The following ESRRB variants were observed in gnomAD, a reference collection of about 807,000 sequenced individuals.
ESRRB encodes the protein steroid hormone receptor ERR2.
Under a neutral mutation model 46.0 loss-of-function variants are expected in ESRRB, and 16 were observed. That is an observed-to-expected ratio of 0.35 (90% CI 0.24 to 0.53). The LOEUF (loss-of-function observed/expected upper bound fraction) is 0.53, where lower values mean the gene tolerates loss of function less well. Among genes scored for constraint, ESRRB ranks in the 20% least tolerant of loss-of-function variants. The pLI, the probability that ESRRB is intolerant of heterozygous loss-of-function variation, is 0.93. For missense variants in ESRRB, 488 were observed against 607.4 expected, an observed-to-expected ratio of 0.80 and a Z score of 2.07; for synonymous variants, 246 against 259.6, an observed-to-expected ratio of 0.95 and a Z score of 0.50.
intron 1 of ESRRB, among the ~76,000 whole-genome samples, chr14:76,432,616 A>G (rs1375954134): frequency 8.0e-6 from 1 of 125,712 alleles, no homozygotes. Context: ...CAAACTTCTC[A>G]TCTGTACAGC....
At position 76,499,788 on chromosome 14, in the gene ESRRB, C is replaced by G. The variant is rs1890589838; in HGVS notation, c.*1330C>G. ...CCAGGCACACGGGGACAGTGGGTCA[C>G]TCTATTTCTGTGGATGGCCGTGAAA... On this transcript the variant is annotated 3_prime_UTR_variant, in exon 7 of 7. Transcript: ENST00000644823. 1.6e-6 allele frequency: 2 copies of G among 1,276,968 alleles called. No homozygotes were observed. The highest frequency in any genetic ancestry group is 2.9e-5 in the African/African-American group (2 of 68,466). The allele number at this position is 1,276,968 out of a possible 1,614,324, so 79.1% of individuals were successfully genotyped here. A position where few individuals can be genotyped will look rare whatever the true frequency, so the allele number is the denominator to read the frequency against.
chr14:76,417,480 C>A (rs138524084), intron 1 of ESRRB, among the ~76,000 whole-genome samples: 1 of 152,270 alleles, frequency 6.6e-6, no homozygotes, highest in East Asian at 1.9e-4. Context: ...TCCCATTATT[C>A]CACAATTCAA....
chr14:76,318,944 A>G (rs1023787908), intron 1 of ESRRB, among the ~76,000 whole-genome samples: 2 of 152,194 alleles, frequency 1.3e-5, no homozygotes, highest in Non-Finnish European at 2.9e-5. Context: ...AGGTGGTTTA[A>G]AACATGCTCT....
rs1166435314 is a variant in ESRRB at position 76,332,662 on chromosome 14, T to A, written c.2+21746T>A. ...TATTTATATATTATATAAATATATA[T>A]TATATATATTTATATATTATATATT... On this transcript the variant is annotated intron_variant, in intron 1 of 6. Coordinates refer to the ESRRB transcript ENST00000512784. 1.4e-4 allele frequency among the ~76,000 whole-genome samples: 5 copies of A among 36,130 alleles called. 1 individual carries two copies. The South Asian group carries it at 4.7e-3, about 34-fold the overall frequency. 23.7% of individuals were successfully genotyped at this position (36,130 alleles called of 152,430 possible). A position where few individuals can be genotyped will look rare whatever the true frequency, so the allele number is the denominator to read the frequency against.
chr14:76,350,306 T>G (rs1884298516), intron 1 of ESRRB, among the ~76,000 whole-genome samples: 2 of 152,222 alleles, frequency 1.3e-5, no homozygotes, highest in Non-Finnish European at 2.9e-5. Context: ...TAGCTTCCTT[T>G]GATCATAGAA....
At chr14:76,426,409 C>A (rs2139901029) in intron 1 of ESRRB, among the ~76,000 whole-genome samples, 1 of 152,296 alleles carries the variant, frequency 6.6e-6, no homozygotes, top group Middle Eastern at 3.4e-3. Context: ...ATGTAGTCCT[C>A]CTGGTGTCTA....
chr14:76,461,806 C>G (rs941242250), intron 2 of ESRRB, among the ~76,000 whole-genome samples: 1 of 152,196 alleles, frequency 6.6e-6, no homozygotes, highest in Non-Finnish European at 1.5e-5. Context: ...CCACTGTACC[C>G]GGCCTGGTAG....
At chr14:76,478,397 G>A (rs1889666172) in intron 3 of ESRRB, among the ~76,000 whole-genome samples, 1 of 151,946 alleles carries the variant, frequency 6.6e-6, no homozygotes, top group South Asian at 2.1e-4. Flanking sequence ...GGCAGAGGTG[G>A]CAGCTGCCCA....
chr14:76,427,416 G>A (rs1887252440), intron 1 of ESRRB, among the ~76,000 whole-genome samples: 1 of 152,146 alleles, frequency 6.6e-6, no homozygotes, highest in Non-Finnish European at 1.5e-5. Flanking sequence ...GTATGTTGGG[G>A]TCAGACGTCC....
At chr14:76,463,445 G>GTTTTTTTTTTTGTTTTTT (rs1566599993) in intron 3 of ESRRB, 2 of 114,736 alleles carry the variant, frequency 1.7e-5, no homozygotes, top group Non-Finnish European at 3.5e-5. Context: ...ATGCTTCTTT[G>GTTTTTTTTTTTGTTTTTT]TTTTTTTTTT....
At chr14:76,410,103 A>G (rs939136286) in intron 1 of ESRRB, among the ~76,000 whole-genome samples, 1 of 152,160 alleles carries the variant, frequency 6.6e-6, no homozygotes, top group African/African-American at 2.4e-5. Flanking sequence ...ACACGCCTGT[A>G]TTCCCAGCTA....
chr14:76,412,613 G>T (rs28678445), intron 1 of ESRRB, among the ~76,000 whole-genome samples: 1 of 152,088 alleles, frequency 6.6e-6, no homozygotes, highest in Non-Finnish European at 1.5e-5. Flanking sequence ...AACAAAGAAG[G>T]TTTTGAAGGG....
At position 76,381,040 on chromosome 14, in the gene ESRRB, G is replaced by A. The variant is rs142346802; in HGVS notation, c.50+4589G>A. On this transcript the variant is annotated intron_variant, in intron 1 of 6. Coordinates refer to ENST00000644823, the MANE Select transcript of ESRRB (RefSeq NM_001379180.1). ...TCTCTGGTGAGTTTCCCCTTCCTCA[G>A]CCCCAGCAGCCTTAGACCTCTGGGG... 1.7e-3 allele frequency among the ~76,000 whole-genome samples: 259 copies of A among 152,174 alleles called. 1 individual carries two copies. Among genetic ancestry groups the A allele is most frequent in the African/African-American group, 6.1e-3 (253 of 41,508 alleles).
At chr14:76,409,174 A>C (rs1210792192) in intron 1 of ESRRB, among the ~76,000 whole-genome samples, 1 of 152,186 alleles carries the variant, frequency 6.6e-6, no homozygotes, top group Non-Finnish European at 1.5e-5. Context: ...GTCTGTGAAA[A>C]AGTTACAAGA....
intron 3 of ESRRB, among the ~76,000 whole-genome samples, chr14:76,473,162 C>T (rs1236646363): frequency 6.6e-6 from 1 of 152,184 alleles, no homozygotes; most frequent in Admixed American, 6.5e-5. Flanking sequence ...CTGAACGAGT[C>T]GCCTGACCTT....
At chr14:76,438,434 G>A (rs184343486) in intron 1 of ESRRB, among the ~76,000 whole-genome samples, 6 of 152,276 alleles carry the variant, frequency 3.9e-5, no homozygotes, top group Admixed American at 3.9e-4. Context: ...GGCCGAGGCG[G>A]GTGGATCACC....
chr14:76,373,220 A>G (rs1405079462), upstream of ESRRB, among the ~76,000 whole-genome samples: 1 of 152,194 alleles, frequency 6.6e-6, no homozygotes, highest in Non-Finnish European at 1.5e-5. Flanking sequence ...GGGGTGGCTT[A>G]GAGCTCTTGC....
intron 3 of ESRRB, among the ~76,000 whole-genome samples, chr14:76,468,646 A>G (rs1444466879): frequency 2.0e-5 from 3 of 150,792 alleles, no homozygotes; most frequent in Non-Finnish European, 4.4e-5. Flanking sequence ...CCACTTATCG[A>G]CTCCTTGGGC....
chr14:76,435,328 A>G (rs545338257), intron 1 of ESRRB, among the ~76,000 whole-genome samples: 2 of 152,380 alleles, frequency 1.3e-5, no homozygotes, highest in African/African-American at 4.8e-5. Flanking sequence ...TGCCCCCATC[A>G]GCATGGCACC....
Sources: gnomAD v4.1 joint callset for allele counts (sites outside exome capture counted in the v4.1 genomes callset) on GRCh38, gnomAD v4.1.1 for gene constraint, MANE v1.5 for transcripts, NCBI Gene and HGNC (gene_info 2026-07-23, HGNC 2026-07-21) for gene names.